The following CHEK1 variants were observed in gnomAD, a reference collection of about 807,000 sequenced individuals.
CHEK1 encodes the protein checkpoint kinase 1.
CHEK1 carries 32 observed loss-of-function variants against 60.2 expected under a neutral mutation model. The ratio of observed to expected loss-of-function variants is 0.53; its 90% confidence interval spans 0.40 to 0.71. The LOEUF (loss-of-function observed/expected upper bound fraction) is 0.71. Ranked by LOEUF, CHEK1 falls within the 30% of genes least tolerant of loss-of-function variation. The pLI is 0.00. For missense variants in CHEK1, 399 were observed against 564.6 expected (o/e 0.71, Z 2.97); for synonymous variants, 179 against 187.2 (o/e 0.96, Z 0.36).
chr11:125,679,228 T>TTTTTTTTTTTTTTG (rs1454887323), downstream of CHEK1, among the ~76,000 whole-genome samples: 1 of 145,560 alleles, frequency 6.9e-6, no homozygotes, highest in South Asian at 2.2e-4. Context: ...TTTTTTTTTT[T>TTTTTTTTTTTTTTG]TGTTTCAAAG....
downstream of CHEK1, chr11:125,680,721 A>G: frequency 6.2e-7 from 1 of 1,612,780 alleles, no homozygotes; most frequent in Non-Finnish European, 8.5e-7. Context: ...CCTAGATCAA[A>G]CACTCACCTC....
intron 13 of CHEK1, among the ~76,000 whole-genome samples, chr11:125,673,282 G>C (rs559207915): frequency 1.3e-5 from 2 of 149,994 alleles, no homozygotes; most frequent in South Asian, 4.2e-4. Flanking sequence ...TCAGCTCACC[G>C]CAGCCTCCAC....
At chr11:125,659,067 A>T (rs1046772635), downstream of CHEK1, among the ~76,000 whole-genome samples, 1 of 151,696 alleles carries the variant, frequency 6.6e-6, no homozygotes, top group Non-Finnish European at 1.5e-5. Context: ...ATTAGGTTTC[A>T]TTTTTTTCCT....
intron 3 of CHEK1, 130 bp from the exon 4 acceptor site, chr11:125,629,102 G>T: frequency 2.5e-6 from 2 of 815,472 alleles, no homozygotes; most frequent in South Asian, 1.6e-5. Context: ...GTGGACTCCT[G>T]AATCTTTTGT....
Position 125,627,734 on chromosome 11 carries a change from G to A in CHEK1, c.193G>A (p.Glu65Lys), listed in dbSNP as rs1940681301. ...EICINKMLNH[E>K]NVVKFYGHRR... ...CTGTATCAATAAAATGCTAAATCAT[G>A]AAAATGTAGTAAAATTCTATGGTCA... The change falls in exon 3 of 13, where the codon GAA becomes AAA. Residue 65 changes from glutamate to lysine, a missense_variant. Coordinates refer to ENST00000438015, the MANE Select transcript of CHEK1 (RefSeq NM_001114122.3). 1 of 1,613,570 alleles carries A rather than the reference G, an allele frequency of 6.2e-7. No individual in the cohort carries two copies.
chr11:125,667,152 A>ATC (rs1460697148), intron 13 of CHEK1, among the ~76,000 whole-genome samples: 1 of 150,636 alleles, frequency 6.6e-6, no homozygotes, highest in Non-Finnish European at 1.5e-5. Context: ...CCATTCCCCC[A>ATC]TCTCTCTCTC....
downstream of CHEK1, among the ~76,000 whole-genome samples, chr11:125,660,360 T>A (rs946989231): frequency 1.1e-4 from 17 of 152,152 alleles, no homozygotes; most frequent in Admixed American, 3.9e-4. Flanking sequence ...TTTACTATGA[T>A]TTGGATTTGT....
chr11:125,677,729 G>A (rs1942578363), downstream of CHEK1: 11 of 1,585,112 alleles, frequency 6.9e-6, no homozygotes, highest in Non-Finnish European at 9.5e-6. Flanking sequence ...CTAAAATTGG[G>A]TTTTCTTGAT....
At chr11:125,670,049 T>G (rs1043931216) in intron 13 of CHEK1, among the ~76,000 whole-genome samples, 1 of 152,234 alleles carries the variant, frequency 6.6e-6, no homozygotes, top group Non-Finnish European at 1.5e-5. Context: ...CCTGTGTTCT[T>G]CCGATTTGAT....
chr11:125,635,538 C>T lies in CHEK1; in HGVS notation c.718+5C>T. 1 of 1,553,084 alleles carries T rather than the reference C, an allele frequency of 6.4e-7. No individual in the cohort carries two copies. Among genetic ancestry groups the T allele is most frequent in the Non-Finnish European group, 8.8e-7 (1 of 1,141,446 alleles). On this transcript the variant is annotated splice_donor_5th_base_variant and intron_variant, in intron 7 of 12. Coordinates refer to ENST00000438015, the MANE Select transcript of CHEK1 (RefSeq NM_001114122.3). ...AAATCGATTCTGCTCCTCTAGGTAA[C>T]TGAATTATCTTGAGTGAAAGAGTAC...
At chr11:125,638,386 G>A (rs1941152078) in intron 8 of CHEK1, among the ~76,000 whole-genome samples, 1 of 152,132 alleles carries the variant, frequency 6.6e-6, no homozygotes, top group Admixed American at 6.5e-5. Context: ...AGAAATTTAA[G>A]AACTAGTATT....
intron 8 of CHEK1, among the ~76,000 whole-genome samples, chr11:125,639,382 C>CTTT (rs367756024): frequency 0.22 from 23,784 of 106,130 alleles, 3,339 homozygotes; most frequent in African/African-American, 0.3. Context: ...ATACTTTTCT[C>CTTT]TTTTTTTTTT....
At chr11:125,662,363 C>T (rs1007279378) in intron 13 of CHEK1, among the ~76,000 whole-genome samples, 6 of 152,194 alleles carry the variant, frequency 3.9e-5, no homozygotes, top group African/African-American at 1.4e-4. Flanking sequence ...AGGTCCTGCC[C>T]CATAACCTAA....
Position 125,655,322 on chromosome 11 carries a change from C to G in CHEK1, c.*2C>G. On this transcript the variant is annotated 3_prime_UTR_variant, in exon 13 of 13. Transcript: ENST00000438015. ...AAGATTTGGCTTCCTGCCACATGATCGGACCATCGGCTCTGGGGAATCCTG... is the reference window on the plus strand; with the variant it reads ...AAGATTTGGCTTCCTGCCACATGATGGGACCATCGGCTCTGGGGAATCCTG... 4 of 1,596,790 alleles carry G rather than the reference C, an allele frequency of 2.5e-6. No individual in the cohort carries two copies. The highest frequency in any genetic ancestry group is 3.4e-6 in the Non-Finnish European group (4 of 1,164,530).
intron 5 of CHEK1, among the ~76,000 whole-genome samples, chr11:125,631,339 C>A (rs1426302962): frequency 6.6e-6 from 1 of 151,974 alleles, no homozygotes; most frequent in African/African-American, 2.4e-5. Flanking sequence ...TAATGTCCTC[C>A]TGTTTATTTC....
chr11:125,649,044 T>C (rs1256007754), intron 11 of CHEK1, among the ~76,000 whole-genome samples: 1 of 152,202 alleles, frequency 6.6e-6, no homozygotes, highest in African/African-American at 2.4e-5. Context: ...CTTGACCTTC[T>C]GGGCTCAAGT....
In CHEK1 at chr11:125,626,798, C is replaced by A. The variant is rs1940632613; in HGVS notation, c.30C>A (p.Asp10Glu). Residue 10 changes from aspartate to glutamate, a missense_variant, in exon 2 of 13, where the codon GAC becomes GAA. Coordinates refer to ENST00000438015, the MANE Select transcript of CHEK1 (RefSeq NM_001114122.3). Reference protein sequence around the residue: MAVPFVEDWDLVQTLGEGAY... With the variant: MAVPFVEDWELVQTLGEGAY... ...CAGTGCCCTTTGTGGAAGACTGGGACTTGGTGCAAACCCTGGGAGAAGGTG... is the reference window on the plus strand; with the variant it reads ...CAGTGCCCTTTGTGGAAGACTGGGAATTGGTGCAAACCCTGGGAGAAGGTG... 1.2e-6 allele frequency: 2 copies of A among 1,614,090 alleles called. No homozygotes were observed. The highest frequency in any genetic ancestry group is 1.7e-6 in the Non-Finnish European group (2 of 1,180,008).
chr11:125,631,242 CTT>C (rs1940847819), intron 5 of CHEK1, among the ~76,000 whole-genome samples: 1 of 151,874 alleles, frequency 6.6e-6, no homozygotes, highest in Admixed American at 6.6e-5. Flanking sequence ...TTCTTTATAT[CTT>C]GTATTAATAT....
At chr11:125,654,949 C>T (rs1300175876) in intron 12 of CHEK1, among the ~76,000 whole-genome samples, 1 of 152,164 alleles carries the variant, frequency 6.6e-6, no homozygotes, top group African/African-American at 2.4e-5. Flanking sequence ...TCCAGATATA[C>T]CAACACCTGA....
Sources: gnomAD v4.1 joint callset for allele counts (sites outside exome capture counted in the v4.1 genomes callset) on GRCh38, gnomAD v4.1.1 for gene constraint, MANE v1.5 for transcripts, NCBI Gene and HGNC (gene_info 2026-07-23, HGNC 2026-07-21) for gene names.